BCAS3: variants seen among roughly 807,000 people sequenced by gnomAD.
BCAS3 encodes BCAS3 microtubule associated cell migration factor, also known as BCAS4/BCAS3 fusion.
Under a neutral mutation model 116.1 loss-of-function variants are expected in BCAS3, and 53 were observed. That is an observed-to-expected ratio of 0.46 (90% confidence interval 0.37 to 0.57). BCAS3 has a LOEUF of 0.57. Among genes scored for constraint, BCAS3 ranks in the 20% least tolerant of loss-of-function variants. The pLI, the probability that BCAS3 is intolerant of heterozygous loss-of-function variation, is 0.00. For synonymous variants in BCAS3, 391 were observed against 408.2 expected (o/e 0.96, Z 0.51); for missense variants, 917 against 1,165.4 (o/e 0.79, Z 3.10).
Position 61,048,332 on chromosome 17 carries a change from TAGGGAATGAAGGACAATGATCCCTGAG to T in BCAS3, c.2029+7443_2029+7469del, listed in dbSNP as rs1399954673. Reference sequence around the variant, plus strand: ...CAATTGTTTTCAAGTCATCTGACATTAGGGAATGAAGGACAATGATCCCTGAGAGATGGGAAACAAATGAGACAAGCC... The same window carrying T: ...CAATTGTTTTCAAGTCATCTGACATTAGATGGGAAACAAATGAGACAAGCC... On this transcript the variant is annotated intron_variant, in intron 19 of 23. Coordinates refer to ENST00000407086, the MANE Select transcript of BCAS3 (RefSeq NM_017679.5). 2.0e-5 allele frequency among the ~76,000 whole-genome samples: 3 copies of T among 151,978 alleles called. No individual in the cohort carries two copies. In the East Asian group the frequency reaches 5.8e-4, roughly 29 times the overall value.
At chr17:60,678,353 A>G (rs2032345944) in intron 1 of BCAS3, among the ~76,000 whole-genome samples, 1 of 152,108 alleles carries the variant, frequency 6.6e-6, no homozygotes, top group Non-Finnish European at 1.5e-5. Context: ...TAGAGTTTTC[A>G]CATCAGGTGT....
chr17:60,878,001 G>A (rs1005881972), intron 9 of BCAS3, among the ~76,000 whole-genome samples: 1 of 146,362 alleles, frequency 6.8e-6, no homozygotes, highest in African/African-American at 2.7e-5. Context: ...GCCCAGTAAT[G>A]TCTTTTTTTT....
Position 61,008,737 on chromosome 17 carries a change from C to T in BCAS3, c.1487-7014C>T, listed in dbSNP as rs1384348674. 6.6e-6 allele frequency among the ~76,000 whole-genome samples: 1 copy of T among 151,918 alleles called. No individual in the cohort carries two copies. The highest frequency in any genetic ancestry group is 2.4e-5 in the African/African-American group (1 of 41,378). On this transcript the variant is annotated intron_variant, in intron 15 of 23. Coordinates refer to ENST00000407086, the MANE Select transcript of BCAS3 (RefSeq NM_017679.5). The surrounding 1 kb of genome is among the most constrained non-coding windows in gnomAD (Gnocchi z 4.6). ...AAAAAAAAGGCCCCGTAGAACTCAT[C>T]ATCTAGTTTTTATTTTTGAAAGATA...
chr17:60,710,113 A>C (rs1260817743), intron 5 of BCAS3, among the ~76,000 whole-genome samples: 1 of 151,916 alleles, frequency 6.6e-6, no homozygotes, highest in Non-Finnish European at 1.5e-5. Context: ...CACTGCACCC[A>C]GCTGAGATGA....
At position 60,962,399 on chromosome 17, in the gene BCAS3, G is replaced by C. The variant is rs920108039; in HGVS notation, c.1221+15047G>C. 3.9e-5 allele frequency among the ~76,000 whole-genome samples: 6 copies of C among 152,018 alleles called. No homozygotes were observed. Among genetic ancestry groups the C allele is most frequent in the African/African-American group, 1.2e-4 (5 of 41,386 alleles). On this transcript the variant is annotated intron_variant, in intron 14 of 23. Coordinates refer to ENST00000407086, the MANE Select transcript of BCAS3 (RefSeq NM_017679.5). This position sits in a 1 kb window ranked among gnomAD's most constrained non-coding sequence, Gnocchi z 4.4. ...TTTTACTAGGGTGAGATGATATCTT[G>C]TTGTGGTTTTGATTTGTGTTTCTCT... is the stretch of plus-strand genomic sequence containing the variant.
rs181453413 is a variant in BCAS3 at position 60,820,659 on chromosome 17, T to C, written c.476+12583T>C. Reference sequence around the variant, plus strand: ...TTGTTTTAATGCTAATTAAAAAAATTTAAAAAGTAAAAGATTTTACCTAAA... The same window carrying C: ...TTGTTTTAATGCTAATTAAAAAAATCTAAAAAGTAAAAGATTTTACCTAAA... On this transcript the variant is annotated intron_variant, in intron 7 of 23. Transcript: ENST00000407086. 2.4e-4 allele frequency among the ~76,000 whole-genome samples: 37 copies of C among 152,190 alleles called. No homozygotes were observed. The East Asian group carries it at 7.0e-3, about 29-fold the overall frequency.
intron 4 of BCAS3, among the ~76,000 whole-genome samples, chr17:60,701,600 A>G (rs2036398572): frequency 6.6e-6 from 1 of 152,164 alleles, no homozygotes; most frequent in African/African-American, 2.4e-5. Context: ...AAAATTAAGA[A>G]AAAGATATGT....
At chr17:60,932,201 C>G (rs898012671) in intron 13 of BCAS3, among the ~76,000 whole-genome samples, 3 of 152,126 alleles carry the variant, frequency 2.0e-5, no homozygotes, top group African/African-American at 7.2e-5. Context: ...ATCAGAGTAT[C>G]TTTTCAATGT....
intron 15 of BCAS3, among the ~76,000 whole-genome samples, chr17:60,991,536 A>G (rs1026493547): frequency 2.6e-5 from 4 of 152,184 alleles, no homozygotes; most frequent in Non-Finnish European, 5.9e-5. Context: ...AGCATTGCAG[A>G]TTTCCCTTGA....
rs1322385178 is a variant in BCAS3, at chr17:61,186,610, G to A, written c.2425+102046G>A. Among the ~76,000 whole-genome samples the A allele has an allele frequency of 6.6e-6, 1 of 151,682 alleles. No individual in the cohort carries two copies. Among genetic ancestry groups the A allele is most frequent in the Non-Finnish European group, 1.5e-5 (1 of 67,966 alleles). ...TCATATTATTTTAAATTTTCAATCG[G>A]TTCAAAATTCAAAACATAAAAGGAT... is the stretch of plus-strand genomic sequence containing the variant. On this transcript the variant is annotated intron_variant, in intron 22 of 23. Coordinates refer to ENST00000407086, the MANE Select transcript of BCAS3 (RefSeq NM_017679.5). The surrounding 1 kb of genome is among the most constrained non-coding windows in gnomAD (Gnocchi z 4.9).
intron 5 of BCAS3, among the ~76,000 whole-genome samples, chr17:60,719,175 TG>T (rs1427097917): frequency 6.6e-6 from 1 of 152,218 alleles, no homozygotes; most frequent in Non-Finnish European, 1.5e-5. Context: ...AGAGCAGATT[TG>T]GGTGGAAAGG....
chr17:60,918,546 G>A (rs1046414068), intron 12 of BCAS3, among the ~76,000 whole-genome samples: 1 of 151,978 alleles, frequency 6.6e-6, no homozygotes, highest in African/African-American at 2.4e-5. Flanking sequence ...TTTGATCTGA[G>A]TGTACATTTG....
intron 6 of BCAS3, among the ~76,000 whole-genome samples, chr17:60,754,823 A>G (rs1412841907): frequency 1.3e-5 from 2 of 150,488 alleles, no homozygotes. Flanking sequence ...AGTCTATTGC[A>G]AAGATGAGGA....
rs2143134880 is a variant in BCAS3, at chr17:61,333,095, C to T, written c.2426-35232C>T. 6.6e-6 allele frequency among the ~76,000 whole-genome samples: 1 copy of T among 152,314 alleles called. No individual in the cohort carries two copies. Among genetic ancestry groups the T allele is most frequent in the Admixed American group, 6.5e-5 (1 of 15,292 alleles). ...GTTCCACAAGCCCTTTCTCATAGAC[C>T]CCAGCAAGGTGCTTTCTCCCTGGAC... On this transcript the variant is annotated intron_variant, in intron 22 of 23. Coordinates refer to ENST00000407086, the MANE Select transcript of BCAS3 (RefSeq NM_017679.5). This position sits in a 1 kb window ranked among gnomAD's most constrained non-coding sequence, Gnocchi z 4.8.
rs1235363991 is a variant in BCAS3, at chr17:60,754,011, CA to C, written c.403+6733del. 2.0e-5 allele frequency among the ~76,000 whole-genome samples: 3 copies of C among 151,918 alleles called. No individual in the cohort carries two copies. In the East Asian group the frequency reaches 5.9e-4, roughly 30 times the overall value. On this transcript the variant is annotated intron_variant, in intron 6 of 23. Coordinates refer to ENST00000407086, the MANE Select transcript of BCAS3 (RefSeq NM_017679.5). The stretch of plus-strand genomic sequence containing the variant: ...GTATAAAGTGTTGTTTATAAATTAT[CA>C]GTGATCAAATGATGTGTTTTATTTT...
At chr17:61,009,973 T>C (rs562015130) in intron 15 of BCAS3, among the ~76,000 whole-genome samples, 1 of 152,218 alleles carries the variant, frequency 6.6e-6, no homozygotes, top group South Asian at 2.1e-4. Flanking sequence ...AGAAAGTTTA[T>C]TTTCCTTGTA....
At chr17:60,857,989 T>C (rs1474380858) in intron 7 of BCAS3, among the ~76,000 whole-genome samples, 3 of 152,052 alleles carry the variant, frequency 2.0e-5, no homozygotes, top group African/African-American at 7.2e-5. Context: ...AGTGAAGTGA[T>C]CGGAGTTCCA....
chr17:60,800,432 C>T (rs546212100), intron 6 of BCAS3, among the ~76,000 whole-genome samples: 11 of 152,074 alleles, frequency 7.2e-5, no homozygotes, highest in Non-Finnish European at 1.6e-4. Context: ...TGCCCATTTT[C>T]TAATTGGATT....
intron 22 of BCAS3, among the ~76,000 whole-genome samples, chr17:61,275,888 A>G (rs1461567329): frequency 6.6e-6 from 1 of 152,200 alleles, no homozygotes; most frequent in Admixed American, 6.5e-5. Flanking sequence ...ACCCCAACTC[A>G]TAATCATACA....
Sources: allele counts gnomAD v4.1 joint callset (sites outside exome capture counted in the v4.1 genomes callset), GRCh38; gene constraint gnomAD v4.1.1; non-coding constraint Gnocchi (gnomAD v3.1); transcripts MANE v1.5; gene names NCBI Gene and HGNC (gene_info 2026-07-23, HGNC 2026-07-21).